TMPRSS3: variants seen among roughly 807,000 people sequenced by gnomAD.
TMPRSS3 encodes the protein transmembrane protease serine 3.
TMPRSS3 carries 55 observed loss-of-function variants against 59.6 expected under a neutral mutation model. That is an observed-to-expected ratio of 0.92 (90% CI 0.74 to 1.16). The LOEUF is 1.16. TMPRSS3 is among the 50% of genes most tolerant of loss of function. The pLI is 0.00. For missense variants in TMPRSS3, 596 were observed against 579.4 expected (o/e 1.03, Z -0.29); for synonymous variants, 257 against 237.7 (o/e 1.08, Z -0.75).
At chr21:42,374,909 C>G (rs2052395152) in intron 12 of TMPRSS3, among the ~76,000 whole-genome samples, 1 of 151,998 alleles carries the variant, frequency 6.6e-6, no homozygotes, top group African/African-American at 2.4e-5. Flanking sequence ...GGCCTGTGCG[C>G]ACTGTTTCTC....
chr21:42,376,391 A>C, intron 11 of TMPRSS3, 150 bp downstream of exon 11: 1 of 1,172,810 alleles, frequency 8.5e-7, no homozygotes. Context: ...CAGGGCTGGC[A>C]GCCAGGAAAA....
At chr21:42,390,480 C>T (rs963403957) in intron 2 of TMPRSS3, 2 of 202,958 alleles carry the variant, frequency 9.9e-6, no homozygotes, top group Admixed American at 1.1e-4. Flanking sequence ...GTAATCCCAA[C>T]ATTTTGGGAA....
intron 10 of TMPRSS3, among the ~76,000 whole-genome samples, chr21:42,379,833 G>C (rs2052492445): frequency 6.6e-6 from 1 of 152,176 alleles, no homozygotes; most frequent in Non-Finnish European, 1.5e-5. Flanking sequence ...AGTTAACAAG[G>C]CCGGGGGTCC....
chr21:42,387,371 AGT>A (rs59669731), intron 5 of TMPRSS3, among the ~76,000 whole-genome samples: 102 of 146,758 alleles, frequency 7.0e-4, no homozygotes, highest in Middle Eastern at 3.5e-3. Flanking sequence ...AGCTGTGTGC[AGT>A]GTGTGTGTGT....
chr21:42,383,727 G>A (rs2052576728), intron 7 of TMPRSS3: 1 of 698,468 alleles, frequency 1.4e-6, no homozygotes, highest in East Asian at 2.8e-5. Context: ...GGACATCATG[G>A]GCCTTGGTCC....
chr21:42,376,655 C>A lies in TMPRSS3; in HGVS notation c.1077G>T (p.Ala359=), dbSNP rs756432794. 1.2e-6 allele frequency: 2 copies of A among 1,613,920 alleles called. No homozygotes were observed. Among genetic ancestry groups the A allele is most frequent in the Non-Finnish European group, 1.7e-6 (2 of 1,180,024 alleles). ...TCTTGTTGGAAATCAAAGGGACGGC[C>A]GCGTGGTTCAGGACAGGGGAGGCGT... ...GGDASPVLNH[A]AVPLISNKIC... Residue 359 remains alanine, a synonymous_variant, in exon 11 of 13, where the codon GCG becomes GCT. Transcript: ENST00000644384.
rs1426102605 is a variant in TMPRSS3, at chr21:42,382,585, G to A, written c.783-351C>T. On this transcript the variant is annotated intron_variant, in intron 8 of 12. Transcript: ENST00000644384. Reference sequence around the variant, plus strand: ...AATATCAGGGAGAACCATTGTGTTTGGAAGTCTTTTCTGTAGTTTTCTTGC... The same window carrying A: ...AATATCAGGGAGAACCATTGTGTTTAGAAGTCTTTTCTGTAGTTTTCTTGC... 43 of 396,928 alleles carry A rather than the reference G, an allele frequency of 1.1e-4. No homozygotes were observed. The East Asian group carries it at 2.3e-3, about 21-fold the overall frequency. 24.6% of individuals were successfully genotyped at this position (396,928 alleles called of 1,614,324 possible). A position where few individuals can be genotyped will look rare whatever the true frequency, so the allele number is the denominator to read the frequency against.
In TMPRSS3 at chr21:42,388,566, T is replaced by A; in HGVS notation, c.323-40A>T. 1 of 1,614,036 alleles carries A rather than the reference T, an allele frequency of 6.2e-7. No homozygotes were observed. On this transcript the variant is annotated intron_variant, in intron 4 of 12. Transcript: ENST00000644384. This position sits in a 1 kb window ranked among gnomAD's most constrained non-coding sequence, Gnocchi z 5.1. ...GAAAGAAAGGCTTATTAGTGGCCAG[T>A]GGAACCCTGAGACCATAGGCAGGGG... is the stretch of plus-strand genomic sequence containing the variant.
chr21:42,395,407 T>A lies in TMPRSS3; in HGVS notation c.11A>T (p.Asn4Ile), dbSNP rs769238563. 3 of 1,613,860 alleles carry A rather than the reference T, an allele frequency of 1.9e-6. No individual in the cohort carries two copies. The South Asian group carries it at 3.3e-5, about 18-fold the overall frequency. MGE[N>I]DPPAVEAPFS... ...GGGGGCTTCAACAGCAGGCGGATCATTTTCCCCCATGGTGACTATTTCAGG... is the reference window on the plus strand; with the variant it reads ...GGGGGCTTCAACAGCAGGCGGATCAATTTCCCCCATGGTGACTATTTCAGG... The change falls in exon 2 of 13, where the codon AAT becomes ATT. Residue 4 changes from asparagine (N) to isoleucine (I), a missense_variant. By Grantham distance (149) the Asn-to-Ile change is moderately radical. Coordinates refer to ENST00000644384, the MANE Select transcript of TMPRSS3 (RefSeq NM_001256317.3).
intron 11 of TMPRSS3, 124 bp from the exon 12 acceptor site, chr21:42,375,992 A>G (rs1232678685): frequency 1.6e-6 from 2 of 1,274,622 alleles, no homozygotes. Flanking sequence ...ATGATGTCCC[A>G]ATGGATGACC....
rs1351236437 is a variant in TMPRSS3 at position 42,375,720 on chromosome 21, A to ATCTGC, written c.1335_1339dup (p.Met447SerfsTer7). 8 of 1,613,552 alleles carry ATCTGC rather than the reference A, an allele frequency of 5.0e-6. No homozygotes were observed. Among genetic ancestry groups the ATCTGC allele is most frequent in the Non-Finnish European group, 6.8e-6 (8 of 1,180,006 alleles). On this transcript the variant is annotated frameshift_variant, in exon 12 of 13. Transcript: ENST00000644384. LOFTEE classifies it high-confidence loss of function. ...TGGGGAGGGCGCCGCACCCACCTCC[A>ATCTGC]TCTGCTCGTGGATCCAGTCCAGGAA...
chr21:42,386,806 T>A (rs1259946994), intron 5 of TMPRSS3, among the ~76,000 whole-genome samples: 5 of 146,566 alleles, frequency 3.4e-5, no homozygotes, highest in African/African-American at 5.2e-5. Context: ...ATTTATTTAT[T>A]TTTGAATCAC....
At chr21:42,376,782 G>A (rs375477507) in intron 10 of TMPRSS3, 99 bp from the exon 11 acceptor site, 37 of 1,562,948 alleles carry the variant, frequency 2.4e-5, no homozygotes, top group Middle Eastern at 2.0e-4. Context: ...AACGAGGGAC[G>A]AGGGGGATGC....
chr21:42,382,581 G>T, intron 8 of TMPRSS3: 1 of 399,602 alleles, frequency 2.5e-6, no homozygotes, highest in Non-Finnish European at 4.7e-6. Context: ...GAACCATTGT[G>T]TTTGGAAGTC....
chr21:42,374,412 C>T (rs181700458), intron 12 of TMPRSS3, among the ~76,000 whole-genome samples: 1 of 152,388 alleles, frequency 6.6e-6, no homozygotes, highest in African/African-American at 2.4e-5. Flanking sequence ...TTTAGTTTCT[C>T]ATTTAAAGCA....
rs970454169 is a variant in TMPRSS3, at chr21:42,388,625, C to T, written c.323-99G>A. 6.4e-7 allele frequency: 1 copy of T among 1,559,534 alleles called. No homozygotes were observed. Among genetic ancestry groups the T allele is most frequent in the South Asian group, 1.1e-5 (1 of 89,692 alleles). ...CAGCCAGCTCAAACCCCTCCTCTGCCAAATCTGACCCACTTCTTGTCCACG... is the reference window on the plus strand; with the variant it reads ...CAGCCAGCTCAAACCCCTCCTCTGCTAAATCTGACCCACTTCTTGTCCACG... On this transcript the variant is annotated intron_variant, in intron 4 of 12. Coordinates refer to ENST00000644384, the MANE Select transcript of TMPRSS3 (RefSeq NM_001256317.3). The surrounding 1 kb of genome is among the most constrained non-coding windows in gnomAD (Gnocchi z 5.1).
chr21:42,381,344 GC>G (rs2052524753), intron 9 of TMPRSS3, among the ~76,000 whole-genome samples: 2 of 152,222 alleles, frequency 1.3e-5, no homozygotes, highest in African/African-American at 4.8e-5. Flanking sequence ...CTTCCAGGGA[GC>G]TGAGGGTGCC....
chr21:42,377,792 C>A (rs1037348742), intron 10 of TMPRSS3, among the ~76,000 whole-genome samples: 1 of 152,238 alleles, frequency 6.6e-6, no homozygotes, highest in African/African-American at 2.4e-5. Flanking sequence ...CTGCCCGGAA[C>A]GTGGCGAAAC....
intron 8 of TMPRSS3, chr21:42,382,480 G>A (rs2052551136): frequency 5.5e-6 from 3 of 545,848 alleles, no homozygotes; most frequent in Non-Finnish European, 1.0e-5. Flanking sequence ...TGGCATTTGA[G>A]GGCTGAACTC....
Sources: allele counts gnomAD v4.1 joint callset (sites outside exome capture counted in the v4.1 genomes callset), GRCh38; gene constraint gnomAD v4.1.1; non-coding constraint Gnocchi (gnomAD v3.1); transcripts MANE v1.5; gene names NCBI Gene and HGNC (gene_info 2026-07-23, HGNC 2026-07-21).